The following FABP4 variants were observed in gnomAD, a reference collection of about 807,000 sequenced individuals.
The protein encoded by FABP4 is fatty acid-binding protein, adipocyte.
Under a neutral mutation model 14.6 loss-of-function variants are expected in FABP4, and 17 were observed. The ratio of observed to expected loss-of-function variants is 1.16; its 90% CI spans 0.80 to 1.74. The LOEUF (loss-of-function observed/expected upper bound fraction) is 1.74. FABP4 is among the 40% of genes most tolerant of loss of function. The pLI is 0.00. For synonymous variants in FABP4, 54 were observed against 54.6 expected (o/e 0.99, Z 0.05); for missense variants, 149 against 160.3 (o/e 0.93, Z 0.38).
intron 3 of FABP4, 54 bp from the exon 4 acceptor site, chr8:81,478,969 T>A: frequency 7.0e-7 from 1 of 1,419,530 alleles, no homozygotes; most frequent in Non-Finnish European, 9.9e-7. Context: ...ATGGATTTAT[T>A]TATTGTCTCT....
At chr8:81,479,007 A>G in intron 3 of FABP4, 92 bp from the exon 4 acceptor site, 3 of 1,082,332 alleles carry the variant, frequency 2.8e-6, no homozygotes, top group Non-Finnish European at 4.2e-6. Context: ...AACAATATTC[A>G]TTCCAAAGAT....
chr8:81,481,011 C>T (rs1808071742), intron 1 of FABP4, among the ~76,000 whole-genome samples: 1 of 152,110 alleles, frequency 6.6e-6, no homozygotes, highest in South Asian at 2.1e-4. Flanking sequence ...CTTGACCATT[C>T]CATCTTAGAT....
At chr8:81,480,850 A>G (rs1245459335) in intron 1 of FABP4, among the ~76,000 whole-genome samples, 1 of 152,118 alleles carries the variant, frequency 6.6e-6, no homozygotes, top group Non-Finnish European at 1.5e-5. Flanking sequence ...TATTCTTTAA[A>G]CTTCCCTTTC....
chr8:81,480,432 T>C lies in FABP4; in HGVS notation c.240A>G (p.Lys80=). 6.2e-7 allele frequency: 1 copy of C among 1,613,464 alleles called. No individual in the cohort carries two copies. The highest frequency in any genetic ancestry group is 8.5e-7 in the Non-Finnish European group (1 of 1,179,556). ...CCACTTCCTTATTTCTCACCTTGAC[T>C]TTCCTGTCATCTGCAGTGACTTCGT... is the stretch of plus-strand genomic sequence containing the variant. ...EFDEVTADDR[K]VKSTITLDGG... Residue 80 remains lysine (K), a synonymous_variant, in exon 2 of 4, where the codon AAA becomes AAG. Transcript: ENST00000256104.
Position 81,478,804 on chromosome 8 carries a change from A to G in FABP4, c.*61T>C, listed in dbSNP as rs749298817. 2.1e-6 allele frequency: 3 copies of G among 1,407,028 alleles called. No individual in the cohort carries two copies. Among genetic ancestry groups the G allele is most frequent in the Non-Finnish European group, 3.0e-6 (3 of 1,012,366 alleles). 87.2% of individuals were successfully genotyped at this position (1,407,028 alleles called of 1,614,324 possible). ...AAACAACAATATCTTTTTGAACAAT[A>G]TATCCCACAGAATGTTGTAGAGTTC... On this transcript the variant is annotated 3_prime_UTR_variant, in exon 4 of 4. Coordinates refer to ENST00000256104, the MANE Select transcript of FABP4 (RefSeq NM_001442.3).
chr8:81,481,648 G>A (rs1002255934), intron 1 of FABP4, among the ~76,000 whole-genome samples: 2 of 152,190 alleles, frequency 1.3e-5, no homozygotes, highest in Non-Finnish European at 2.9e-5. Context: ...CGCAAAATAA[G>A]TAATGCTGAG....
In FABP4 at chr8:81,483,229, G is replaced by T; in HGVS notation, c.-62C>A. 1 of 1,291,998 alleles carries T rather than the reference G, an allele frequency of 7.7e-7. No individual in the cohort carries two copies. Among genetic ancestry groups the T allele is most frequent in the Non-Finnish European group, 1.1e-6 (1 of 913,974 alleles). The allele number at this position is 1,291,998 out of a possible 1,614,324, so 80.0% of individuals were successfully genotyped here. A position where few individuals can be genotyped will look rare whatever the true frequency, so the allele number is the denominator to read the frequency against. On this transcript the variant is annotated 5_prime_UTR_variant, in exon 1 of 4. Coordinates refer to ENST00000256104, the MANE Select transcript of FABP4 (RefSeq NM_001442.3). The stretch of plus-strand genomic sequence containing the variant: ...AGGAAGCTGCAGTTTTCAGGAGGGT[G>T]CTGTGACCCTCTTGAGTCCAGATAA...
rs554148300 is a variant in FABP4, at chr8:81,479,196, GA to G, written c.348+217del. Among the ~76,000 whole-genome samples the G allele has an allele frequency of 3.2e-3, 489 of 152,276 alleles. 8 individuals carry two copies. Among genetic ancestry groups the G allele is most frequent in the African/African-American group, 0.011 (462 of 41,556 alleles). Reference sequence around the variant, plus strand: ...GAGGTACCACTGGAGACAGCCTTAGGATGCCTGGAAGCAGGCAGAGAATGCT... The same window carrying G: ...GAGGTACCACTGGAGACAGCCTTAGGTGCCTGGAAGCAGGCAGAGAATGCT... On this transcript the variant is annotated intron_variant, in intron 3 of 3. Coordinates refer to ENST00000256104, the MANE Select transcript of FABP4 (RefSeq NM_001442.3).
chr8:81,481,008 A>G (rs1808071701), intron 1 of FABP4, among the ~76,000 whole-genome samples: 1 of 152,296 alleles, frequency 6.6e-6, no homozygotes. Flanking sequence ...CTACTTGACC[A>G]TTCCATCTTA....
chr8:81,480,647 A>G, intron 1 of FABP4, 49 bp from the exon 2 acceptor site: 2 of 1,539,066 alleles, frequency 1.3e-6, no homozygotes, highest in Non-Finnish European at 1.8e-6. Context: ...TCTCTCACGT[A>G]CTTATCCAAG....
intron 2 of FABP4, among the ~76,000 whole-genome samples, chr8:81,480,141 C>T (rs867737564): frequency 9.9e-5 from 15 of 152,180 alleles, no homozygotes; most frequent in Middle Eastern, 3.4e-3. Flanking sequence ...CCCAGGAATT[C>T]GAGGCTGTAG....
At chr8:81,480,177 G>A (rs557348965) in intron 2 of FABP4, among the ~76,000 whole-genome samples, 4 of 152,196 alleles carry the variant, frequency 2.6e-5, no homozygotes, top group African/African-American at 7.2e-5. Context: ...CCATGTCACC[G>A]CAGCCTGTTT....
At chr8:81,482,079 G>C (rs896502339) in intron 1 of FABP4, among the ~76,000 whole-genome samples, 1 of 152,018 alleles carries the variant, frequency 6.6e-6, no homozygotes, top group African/African-American at 2.4e-5. Flanking sequence ...AATCACTCTA[G>C]TTTATTCTAG....
chr8:81,479,423 T>G lies in FABP4; in HGVS notation c.339A>C (p.Lys113Asn), dbSNP rs996092686. Residue 113 changes from lysine to asparagine, a missense_variant, in exon 3 of 4, where the codon AAA becomes AAC. Lys to Asn is a moderately conservative substitution (Grantham distance 94). Transcript: ENST00000256104. Reference sequence around the variant, plus strand: ...GCTAGAAGATACTCACCACCACCAGTTTATCATCCTCTCGTTTTCTCTTTA... The same window carrying G: ...GCTAGAAGATACTCACCACCACCAGGTTATCATCCTCTCGTTTTCTCTTTA... Reference protein sequence around the residue: ...TTIKRKREDDKLVVECVMKGV... With the variant: ...TTIKRKREDDNLVVECVMKGV... The G allele has an allele frequency of 3.1e-6, 5 of 1,612,590 alleles. No homozygotes were observed. In the East Asian group the frequency reaches 6.7e-5, roughly 22 times the overall value.
rs373645140 is a variant in FABP4, at chr8:81,478,807, T to A, written c.*58A>T. 416 of 1,413,668 alleles carry A rather than the reference T, an allele frequency of 2.9e-4. No individual in the cohort carries two copies. Among genetic ancestry groups the A allele is most frequent in the Non-Finnish European group, 3.8e-4 (385 of 1,016,262 alleles). 87.6% of individuals were successfully genotyped at this position (1,413,668 alleles called of 1,614,324 possible). On this transcript the variant is annotated 3_prime_UTR_variant, in exon 4 of 4. Transcript: ENST00000256104. ...CAACAATATCTTTTTGAACAATATA[T>A]CCCACAGAATGTTGTAGAGTTCAAT...
At position 81,478,759 on chromosome 8, in the gene FABP4, G is replaced by C. The variant is rs950780518; in HGVS notation, c.*106C>G. 26 of 1,050,346 alleles carry C rather than the reference G, an allele frequency of 2.5e-5. No homozygotes were observed. Among genetic ancestry groups the C allele is most frequent in the Non-Finnish European group, 3.5e-5 (25 of 722,050 alleles). 65.1% of individuals were successfully genotyped at this position (1,050,346 alleles called of 1,614,324 possible). A position where few individuals can be genotyped will look rare whatever the true frequency, so the allele number is the denominator to read the frequency against. On this transcript the variant is annotated 3_prime_UTR_variant, in exon 4 of 4. Transcript: ENST00000256104. ...ATAAAATCAGCTTGGGAGAAAATTA[G>C]TTGCTTGCTAAATCATGGAAAACAA...
rs1315506569 is a variant in FABP4, at chr8:81,479,444, C to T, written c.318G>A (p.Lys106=). ...QKWDGKSTTI[K]RKREDDKLVV... Reference sequence around the variant, plus strand: ...CCAGTTTATCATCCTCTCGTTTTCTCTTTATGGTGGTTGATTTTCCATCCC... The same window carrying T: ...CCAGTTTATCATCCTCTCGTTTTCTTTTTATGGTGGTTGATTTTCCATCCC... Residue 106 remains lysine (K), a synonymous_variant, in exon 3 of 4, where the codon AAG becomes AAA. Transcript: ENST00000256104. The T allele has an allele frequency of 6.2e-7, 1 of 1,613,276 alleles. No individual in the cohort carries two copies. The highest frequency in any genetic ancestry group is 8.5e-7 in the Non-Finnish European group (1 of 1,179,510).
chr8:81,480,455 C>A lies in FABP4; in HGVS notation c.217G>T (p.Glu73Ter). 6.2e-7 allele frequency: 1 copy of A among 1,613,612 alleles called. No homozygotes were observed. The highest frequency in any genetic ancestry group is 8.5e-7 in the Non-Finnish European group (1 of 1,179,688). The change falls in exon 2 of 4, where the codon GAA becomes TAA. Residue 73 changes from glutamate (E) to a stop codon, truncating the protein, a stop_gained. Coordinates refer to ENST00000256104, the MANE Select transcript of FABP4 (RefSeq NM_001442.3). LOFTEE classifies it high-confidence loss of function. ...ACTTTCCTGTCATCTGCAGTGACTTCGTCAAATTCCTGGCCCAGTATGAAG... is the reference window on the plus strand; with the variant it reads ...ACTTTCCTGTCATCTGCAGTGACTTAGTCAAATTCCTGGCCCAGTATGAAG... ...ISFILGQEFDEVTADDRKVKS... is the reference protein window; with the variant it reads ...ISFILGQEFD
chr8:81,481,937 C>T (rs1407661372), intron 1 of FABP4, among the ~76,000 whole-genome samples: 1 of 151,700 alleles, frequency 6.6e-6, no homozygotes, highest in Non-Finnish European at 1.5e-5. Flanking sequence ...TATAATCAGC[C>T]CTTTATAATT....
Sources: gnomAD v4.1 joint callset for allele counts (sites outside exome capture counted in the v4.1 genomes callset) on GRCh38, gnomAD v4.1.1 for gene constraint, MANE v1.5 for transcripts, NCBI Gene and HGNC (gene_info 2026-07-23, HGNC 2026-07-21) for gene names.